DLGAP1: variants seen among roughly 807,000 people sequenced by gnomAD.
DLGAP1 encodes the protein DLG associated protein 1, also known as disks large-associated protein 1.
Under a neutral mutation model 90.8 loss-of-function variants are expected in DLGAP1, and 11 were observed. That is an observed-to-expected ratio of 0.12 (90% confidence interval 0.08 to 0.20). The LOEUF (loss-of-function observed/expected upper bound fraction) is 0.20. DLGAP1 is among the 10% of genes least tolerant of loss of function. The pLI is 1.00. For missense variants in DLGAP1, 1,050 were observed against 1,333.8 expected (o/e 0.79, Z 3.31); for synonymous variants, 558 against 540.7 (o/e 1.03, Z -0.44).
intron 7 of DLGAP1, among the ~76,000 whole-genome samples, chr18:3,686,239 G>A (rs919768712): frequency 1.3e-5 from 2 of 151,894 alleles, no homozygotes; most frequent in African/African-American, 4.8e-5. Context: ...AAAATAGAAA[G>A]AGAATGCTGT....
At chr18:4,373,196 T>C (rs550089857) in intron 1 of DLGAP1, among the ~76,000 whole-genome samples, 26 of 152,096 alleles carry the variant, frequency 1.7e-4, no homozygotes, top group African/African-American at 6.3e-4. Context: ...GTGTCAACAA[T>C]GGATTACAGG....
chr18:3,594,055 T>TG (rs1291188218), intron 7 of DLGAP1: 4 of 150,044 alleles, frequency 2.7e-5, no homozygotes, highest in African/African-American at 9.8e-5. Context: ...CTGGAAATGA[T>TG]GTCAGACGCA....
At chr18:3,734,780 A>C (rs373100148) in intron 6 of DLGAP1, among the ~76,000 whole-genome samples, 16 of 152,170 alleles carry the variant, frequency 1.1e-4, no homozygotes, top group African/African-American at 3.6e-4. Context: ...TTTTCTTACT[A>C]ATTTGTAGAA....
chr18:3,663,557 C>T (rs918535016), intron 7 of DLGAP1, among the ~76,000 whole-genome samples: 1 of 152,148 alleles, frequency 6.6e-6, no homozygotes, highest in African/African-American at 2.4e-5. Flanking sequence ...ACCTTAAGAC[C>T]TTAAGATTTC....
chr18:4,175,055 C>T (rs1008368849), intron 1 of DLGAP1, among the ~76,000 whole-genome samples: 11 of 152,150 alleles, frequency 7.2e-5, no homozygotes, highest in African/African-American at 2.7e-4. Context: ...TAAAAGCATT[C>T]CTATTCCTCC....
intron 3 of DLGAP1, among the ~76,000 whole-genome samples, chr18:3,920,119 G>A (rs2072233564): frequency 6.6e-6 from 1 of 152,124 alleles, no homozygotes; most frequent in African/African-American, 2.4e-5. Flanking sequence ...GAGGCGGGCA[G>A]ATCACTTGAG....
At chr18:3,528,851 T>C (rs586788) in intron 10 of DLGAP1, among the ~76,000 whole-genome samples, 2 of 151,976 alleles carry the variant, frequency 1.3e-5, no homozygotes, top group African/African-American at 4.8e-5. Flanking sequence ...ATTTCGTGTC[T>C]CTCAAAGTAT....
intron 7 of DLGAP1, among the ~76,000 whole-genome samples, chr18:3,697,555 C>T (rs566632303): frequency 6.6e-6 from 1 of 151,792 alleles, no homozygotes; most frequent in South Asian, 2.1e-4. Context: ...CTCTAAGAGA[C>T]TGTTATGATT....
At chr18:4,103,831 G>C (rs1304314764) in intron 2 of DLGAP1, among the ~76,000 whole-genome samples, 1 of 151,874 alleles carries the variant, frequency 6.6e-6, no homozygotes, top group East Asian at 1.9e-4. Flanking sequence ...TCTTTCATTT[G>C]TTAACATAGA....
At chr18:3,932,878 A>G (rs2072549799) in intron 3 of DLGAP1, among the ~76,000 whole-genome samples, 1 of 152,224 alleles carries the variant, frequency 6.6e-6, no homozygotes, top group Non-Finnish European at 1.5e-5. Flanking sequence ...TAGATGCAGC[A>G]TGGAAGCCAG....
intron 2 of DLGAP1, among the ~76,000 whole-genome samples, chr18:4,125,266 T>TCATC (rs1438925419): frequency 6.6e-6 from 1 of 152,056 alleles, no homozygotes; most frequent in East Asian, 1.9e-4. Context: ...TGTGCACAGG[T>TCATC]CATCATGAGG....
chr18:3,521,271 G>GAGAT (rs2051168872), intron 10 of DLGAP1, among the ~76,000 whole-genome samples: 2 of 152,120 alleles, frequency 1.3e-5, no homozygotes, highest in African/African-American at 4.8e-5. Flanking sequence ...GCCAATCTTG[G>GAGAT]AGATTGGGTT....
intron 2 of DLGAP1, among the ~76,000 whole-genome samples, chr18:4,117,437 G>A (rs149553322): frequency 8.5e-5 from 13 of 152,316 alleles, no homozygotes; most frequent in Non-Finnish European, 1.6e-4. Flanking sequence ...GGGGGTTGAT[G>A]TTGTTGTCTT....
intron 1 of DLGAP1, among the ~76,000 whole-genome samples, chr18:4,336,930 C>T (rs1422234912): frequency 1.8e-5 from 2 of 113,370 alleles, no homozygotes; most frequent in Non-Finnish European, 3.5e-5. Context: ...GAAACCCCGT[C>T]TCTACTGAAA....
chr18:3,667,185 C>G (rs1036399589), intron 7 of DLGAP1, among the ~76,000 whole-genome samples: 1 of 152,070 alleles, frequency 6.6e-6, no homozygotes, highest in African/African-American at 2.4e-5. Flanking sequence ...TCAAGCGATT[C>G]TCTTGCCTCA....
intron 7 of DLGAP1, among the ~76,000 whole-genome samples, chr18:3,636,771 C>A (rs2058733517): frequency 7.2e-6 from 1 of 139,172 alleles, no homozygotes; most frequent in Admixed American, 7.8e-5. Flanking sequence ...TCTTGACAGG[C>A]TGGAGTGCAG....
intron 1 of DLGAP1, among the ~76,000 whole-genome samples, chr18:4,259,763 T>C (rs2078967958): frequency 6.6e-6 from 1 of 152,158 alleles, no homozygotes; most frequent in South Asian, 2.1e-4. Flanking sequence ...AGAACAAAAA[T>C]AAAATAGTTA....
intron 3 of DLGAP1, among the ~76,000 whole-genome samples, chr18:3,927,904 C>T (rs1202706039): frequency 6.6e-6 from 1 of 152,134 alleles, no homozygotes; most frequent in Non-Finnish European, 1.5e-5. Context: ...GCTTGTACAT[C>T]AATAGTTCCT....
At chr18:4,267,511 T>C (rs186652538) in intron 1 of DLGAP1, among the ~76,000 whole-genome samples, 1 of 152,350 alleles carries the variant, frequency 6.6e-6, no homozygotes, top group South Asian at 2.1e-4. Context: ...TTAGAAGATA[T>C]GTGAGTAATC....
Sources: gnomAD v4.1 joint callset for allele counts (sites outside exome capture counted in the v4.1 genomes callset) on GRCh38, gnomAD v4.1.1 for gene constraint, MANE v1.5 for transcripts, NCBI Gene and HGNC (gene_info 2026-07-23, HGNC 2026-07-21) for gene names.